The following MAP3K4 variants were observed in gnomAD, a reference collection of about 807,000 sequenced individuals.
The protein encoded by MAP3K4 is mitogen-activated protein kinase kinase kinase 4, also known as MAP three kinase 1.
Under a neutral mutation model 185.6 loss-of-function variants are expected in MAP3K4, and 67 were observed. That is an observed-to-expected ratio of 0.36 (90% confidence interval 0.30 to 0.44). MAP3K4 has a LOEUF of 0.44. MAP3K4 is among the 20% of genes least tolerant of loss of function. MAP3K4 has a pLI of 1.00. For missense variants in MAP3K4, 1,551 were observed against 1,995.1 expected, an observed-to-expected ratio of 0.78 and a Z score of 4.24; for synonymous variants, 702 against 710.4, an observed-to-expected ratio of 0.99 and a Z score of 0.19.
chr6:161,111,693 A>G lies in MAP3K4; in HGVS notation c.4397-143A>G, dbSNP rs1026029202. ...GTGAATAAGGCTTACAAATCTTCCT[A>G]TGATTACACTTTGTAAGTCAAGTTT... On this transcript the variant is annotated intron_variant, in intron 23 of 26. Coordinates refer to ENST00000392142, the MANE Select transcript of MAP3K4 (RefSeq NM_005922.4). 9.4e-5 allele frequency: 80 copies of G among 853,174 alleles called. 2 individuals are homozygous for G. The highest frequency in any genetic ancestry group is 5.1e-5 in the Non-Finnish European group (28 of 548,636). The allele number at this position is 853,174 out of a possible 1,614,324, so 52.9% of individuals were successfully genotyped here.
chr6:160,996,060 T>C lies in MAP3K4; in HGVS notation c.152+3977T>C, dbSNP rs1233081425. Reference sequence around the variant, plus strand: ...GTTGAATGTCGTCACTCCTAGGCAATTTGCTCTGCCTCTCGGCTTGAATGT... The same window carrying C: ...GTTGAATGTCGTCACTCCTAGGCAACTTGCTCTGCCTCTCGGCTTGAATGT... On this transcript the variant is annotated intron_variant, in intron 1 of 26. Coordinates refer to ENST00000392142, the MANE Select transcript of MAP3K4 (RefSeq NM_005922.4). This position sits in a 1 kb window ranked among gnomAD's most constrained non-coding sequence, Gnocchi z 4.5. Among the ~76,000 whole-genome samples the C allele has an allele frequency of 6.6e-6, 1 of 152,236 alleles. No homozygotes were observed. The highest frequency in any genetic ancestry group is 1.5e-5 in the Non-Finnish European group (1 of 68,040).
intron 1 of MAP3K4, among the ~76,000 whole-genome samples, chr6:160,999,877 A>G (rs1781186586): frequency 6.6e-6 from 1 of 152,246 alleles, no homozygotes; most frequent in South Asian, 2.1e-4. Flanking sequence ...ATGCAAATAG[A>G]AAATATGAAA....
In MAP3K4 at chr6:161,098,768, A is replaced by G. The variant is rs2314377; in HGVS notation, c.3674+341A>G. On this transcript the variant is annotated intron_variant, in intron 17 of 26. Coordinates refer to ENST00000392142, the MANE Select transcript of MAP3K4 (RefSeq NM_005922.4). The surrounding 1 kb of genome is among the most constrained non-coding windows in gnomAD (Gnocchi z 4.4). ...CCTCACAGAGAGAGCCTGGAGTCAC[A>G]AGGTGGTTAAAAGATGGCATCTAGT... Among the ~76,000 whole-genome samples the G allele has an allele frequency of 0.1, 15,883 of 152,224 alleles. 1,224 individuals carry two copies. Among genetic ancestry groups the G allele is most frequent in the African/African-American group, 0.22 (9,046 of 41,490 alleles).
chr6:161,009,287 C>G (rs149633837), intron 1 of MAP3K4, among the ~76,000 whole-genome samples: 9 of 152,222 alleles, frequency 5.9e-5, no homozygotes, highest in African/African-American at 2.2e-4. Flanking sequence ...GCCGCCTGAA[C>G]CATTTTTAAG....
rs190637186 is a variant in MAP3K4 at position 161,079,499 on chromosome 6, C to G, written c.2098-1382C>G. On this transcript the variant is annotated intron_variant, in intron 5 of 26. Coordinates refer to ENST00000392142, the MANE Select transcript of MAP3K4 (RefSeq NM_005922.4). The stretch of plus-strand genomic sequence containing the variant: ...GGCTGAGGCAGGAGAATCGCTTGAA[C>G]CCGGGAGGCAGAGGTTGCGGTGAGC... 4.7e-4 allele frequency among the ~76,000 whole-genome samples: 71 copies of G among 152,298 alleles called. 1 individual carries two copies. The highest frequency in any genetic ancestry group is 2.4e-3 in the Admixed American group (36 of 15,296).
rs745598029 is a variant in MAP3K4 at position 161,049,574 on chromosome 6, A to T, written c.1302A>T (p.Pro434=). ...WPVFEIPSPR[P]SKGNEPEYEG... is the part of the protein sequence containing the mutation. ...TGTTTGAAATCCCTTCCCCTCGACC[A>T]TCCAAAGGTAATGAGCCGGAGTATG... The change falls in exon 3 of 27, where the codon CCA becomes CCT. Residue 434 remains proline, a synonymous_variant. Coordinates refer to ENST00000392142, the MANE Select transcript of MAP3K4 (RefSeq NM_005922.4). This position sits in a 1 kb window ranked among gnomAD's most constrained non-coding sequence, Gnocchi z 8.4. The T allele has an allele frequency of 5.6e-6, 9 of 1,614,076 alleles. No individual in the cohort carries two copies. Among genetic ancestry groups the T allele is most frequent in the Non-Finnish European group, 7.6e-6 (9 of 1,180,044 alleles).
intron 1 of MAP3K4, among the ~76,000 whole-genome samples, chr6:161,016,944 T>C (rs910745199): frequency 2.0e-5 from 3 of 152,208 alleles, no homozygotes; most frequent in Non-Finnish European, 4.4e-5. Context: ...TGTCTTTAAA[T>C]AGAATTTCCT....
Position 161,109,939 on chromosome 6 carries a change from T to C in MAP3K4, c.4396+25T>C. ...GGTAATCCCACACCCGCCTGGCTGC[T>C]GTGGGCCAGAGCCACTGGTACCCAG... is the stretch of plus-strand genomic sequence containing the variant. On this transcript the variant is annotated intron_variant, in intron 23 of 26. Coordinates refer to ENST00000392142, the MANE Select transcript of MAP3K4 (RefSeq NM_005922.4). This position sits in a 1 kb window ranked among gnomAD's most constrained non-coding sequence, Gnocchi z 5.7. The C allele has an allele frequency of 6.2e-7, 1 of 1,612,140 alleles. No homozygotes were observed. Among genetic ancestry groups the C allele is most frequent in the South Asian group, 1.1e-5 (1 of 90,990 alleles).
In MAP3K4 at chr6:160,996,616, G is replaced by T. The variant is rs192239912; in HGVS notation, c.152+4533G>T. On this transcript the variant is annotated intron_variant, in intron 1 of 26. Transcript: ENST00000392142. The surrounding 1 kb of genome is among the most constrained non-coding windows in gnomAD (Gnocchi z 4.5). ...TAACGTTGCCTATCAGTAGGCTACT[G>T]GTAGTGGTTTCTTTAAAGAGAAAAT... Among the ~76,000 whole-genome samples the T allele has an allele frequency of 6.6e-6, 1 of 152,274 alleles. No individual in the cohort carries two copies. The highest frequency in any genetic ancestry group is 2.4e-5 in the African/African-American group (1 of 41,540).
Position 161,048,886 on chromosome 6 carries a change from C to G in MAP3K4, c.614C>G (p.Pro205Arg), listed in dbSNP as rs201516583. 1.2e-6 allele frequency: 2 copies of G among 1,614,198 alleles called. No homozygotes were observed. Among genetic ancestry groups the G allele is most frequent in the Non-Finnish European group, 1.7e-6 (2 of 1,180,046 alleles). ...AAGCTTCCAGTATCTGTGCCCATGCCTATAGCCAGACCTGCACGCCAGACT... is the reference window on the plus strand; with the variant it reads ...AAGCTTCCAGTATCTGTGCCCATGCGTATAGCCAGACCTGCACGCCAGACT... ...NAKLPVSVPM[P>R]IARPARQTSR... The change falls in exon 3 of 27, where the codon CCT becomes CGT. Residue 205 changes from proline to arginine, a missense_variant. Physicochemically the swap from Pro to Arg is moderately radical, Grantham distance 103 (BLOSUM62 -2). Coordinates refer to ENST00000392142, the MANE Select transcript of MAP3K4 (RefSeq NM_005922.4). The surrounding 1 kb of genome is among the most constrained non-coding windows in gnomAD (Gnocchi z 4.7).
In MAP3K4 at chr6:161,103,002, A is replaced by G. The variant is rs546702432; in HGVS notation, c.3856+223A>G. ...AACTACATGCTCCTTTGGGTCTATA[A>G]TATGTTTTACTCATCTTTATATTCT... On this transcript the variant is annotated intron_variant, in intron 19 of 26. Coordinates refer to ENST00000392142, the MANE Select transcript of MAP3K4 (RefSeq NM_005922.4). The surrounding 1 kb of genome is among the most constrained non-coding windows in gnomAD (Gnocchi z 4.6). Among the ~76,000 whole-genome samples, 151 of 152,232 alleles carry G rather than the reference A, an allele frequency of 9.9e-4. No individual in the cohort carries two copies. The highest frequency in any genetic ancestry group is 3.5e-3 in the African/African-American group (145 of 41,544).
intron 2 of MAP3K4, among the ~76,000 whole-genome samples, chr6:161,045,694 T>C (rs1583161153): frequency 6.6e-6 from 1 of 152,288 alleles, no homozygotes; most frequent in East Asian, 1.9e-4. Flanking sequence ...ATAAGAAAAG[T>C]AATATTTTTT....
At chr6:160,992,697 AAAGT>A (rs777342490) in intron 1 of MAP3K4, among the ~76,000 whole-genome samples, 16 of 152,292 alleles carry the variant, frequency 1.1e-4, no homozygotes, top group Non-Finnish European at 2.1e-4. Flanking sequence ...CACGTGCACA[AAAGT>A]AAGGATTCAT....
intron 3 of MAP3K4, among the ~76,000 whole-genome samples, chr6:161,060,254 T>A (rs573016569): frequency 3.4e-4 from 52 of 152,328 alleles, no homozygotes; most frequent in African/African-American, 1.3e-3. Flanking sequence ...TATGGTTACT[T>A]AGTGGAATAG....
At chr6:161,105,187 C>T (rs1471524935) in intron 19 of MAP3K4, among the ~76,000 whole-genome samples, 2 of 152,076 alleles carry the variant, frequency 1.3e-5, no homozygotes, top group Non-Finnish European at 2.9e-5. Flanking sequence ...TAATAGCTCA[C>T]AGAACTGTTA....
At position 161,007,687 on chromosome 6, in the gene MAP3K4, T is replaced by C. The variant is rs1253509285; in HGVS notation, c.152+15604T>C. ...TTTCTCCTTTTTAAAAAAATTGCTT[T>C]GGTTCATATTTGGTGCTTCTGCTCT... On this transcript the variant is annotated intron_variant, in intron 1 of 26. Transcript: ENST00000392142. This position sits in a 1 kb window ranked among gnomAD's most constrained non-coding sequence, Gnocchi z 4.5. Among the ~76,000 whole-genome samples the C allele has an allele frequency of 3.9e-5, 6 of 152,252 alleles. No individual in the cohort carries two copies. The highest frequency in any genetic ancestry group is 1.4e-4 in the African/African-American group (6 of 41,468).
chr6:161,019,689 G>A (rs1327974750), intron 1 of MAP3K4, among the ~76,000 whole-genome samples: 2 of 152,156 alleles, frequency 1.3e-5, no homozygotes, highest in African/African-American at 2.4e-5. Flanking sequence ...GATTACAGGC[G>A]TGAGCTGTGG....
chr6:161,072,562 T>C (rs1006526438), intron 4 of MAP3K4, among the ~76,000 whole-genome samples: 6 of 152,234 alleles, frequency 3.9e-5, no homozygotes, highest in Non-Finnish European at 7.3e-5. Flanking sequence ...GTGATAAATA[T>C]GCTTGTATAG....
Position 161,070,673 on chromosome 6 carries a change from A to G in MAP3K4, c.1773A>G (p.Ser591=), listed in dbSNP as rs1401352889. ...DYVQLSRTPP[S]SEEKCSAVSW... is the part of the protein sequence containing the mutation. ...TGCAGTTGTCAAGGACACCACCTTC[A>G]TCTGAGGAGAAATGCAGTGCTGTGT... Residue 591 remains serine (S), a synonymous_variant, in exon 4 of 27, where the codon TCA becomes TCG. Coordinates refer to ENST00000392142, the MANE Select transcript of MAP3K4 (RefSeq NM_005922.4). This position sits in a 1 kb window ranked among gnomAD's most constrained non-coding sequence, Gnocchi z 4.5. 6.2e-7 allele frequency: 1 copy of G among 1,613,958 alleles called. No homozygotes were observed. The highest frequency in any genetic ancestry group is 1.3e-5 in the African/African-American group (1 of 74,926).
Sources: allele counts gnomAD v4.1 joint callset (sites outside exome capture counted in the v4.1 genomes callset), GRCh38; gene constraint gnomAD v4.1.1; non-coding constraint Gnocchi (gnomAD v3.1); transcripts MANE v1.5; gene names NCBI Gene and HGNC (gene_info 2026-07-23, HGNC 2026-07-21).